ALG10B: variants seen among roughly 807,000 people sequenced by gnomAD.
ALG10B encodes the protein dol-P-Glc:Glc(2)Man(9)GlcNAc(2)-PP-Dol alpha-1,2-glucosyltransferase B.
A neutral mutation model predicts 38.7 loss-of-function variants in ALG10B; 27 were observed. The observed-to-expected ratio is 0.70, with a 90% confidence interval of 0.51 to 0.96. The LOEUF is 0.96. ALG10B is among the 40% of genes least tolerant of loss of function. The pLI, the probability that ALG10B is intolerant of heterozygous loss-of-function variation, is 0.00. For missense variants in ALG10B, 522 were observed against 542.7 expected (o/e 0.96, Z 0.38); for synonymous variants, 177 against 193.3 (o/e 0.92, Z 0.70).
rs1379389987 is a variant in ALG10B at position 38,329,251 on chromosome 12, C to T, written c.*8038C>T. 1.3e-5 allele frequency: 5 copies of T among 397,158 alleles called. No individual in the cohort carries two copies. The highest frequency in any genetic ancestry group is 2.2e-5 in the Non-Finnish European group (5 of 225,906). 24.6% of individuals were successfully genotyped at this position (397,158 alleles called of 1,614,324 possible). ...TGTTTCTGTTTTTGTCATGATACCT[C>T]AAATTGATATATGTTGTAATTATGA... On this transcript the variant is annotated 3_prime_UTR_variant, in exon 3 of 3. Coordinates refer to ENST00000308742, the MANE Select transcript of ALG10B (RefSeq NM_001013620.4).
At position 38,323,663 on chromosome 12, in the gene ALG10B, A is replaced by AT. The variant is rs1945720157; in HGVS notation, c.*2456dup. Reference sequence around the variant, plus strand: ...ATAATTTGAGTAATAAATGCAGGCCATTTTTTGGTTGTACTCTAGTACTCA... The same window carrying AT: ...ATAATTTGAGTAATAAATGCAGGCCATTTTTTTGGTTGTACTCTAGTACTCA... On this transcript the variant is annotated 3_prime_UTR_variant, in exon 3 of 3. Coordinates refer to ENST00000308742, the MANE Select transcript of ALG10B (RefSeq NM_001013620.4). 2.2e-6 allele frequency: 1 copy of AT among 455,858 alleles called. No individual in the cohort carries two copies. Among genetic ancestry groups the AT allele is most frequent in the Admixed American group, 3.7e-5 (1 of 26,670 alleles). 28.2% of individuals were successfully genotyped at this position (455,858 alleles called of 1,614,324 possible).
At chr12:38,318,875 C>G (rs1160821578) in intron 2 of ALG10B, among the ~76,000 whole-genome samples, 9 of 152,174 alleles carry the variant, frequency 5.9e-5, no homozygotes, top group Non-Finnish European at 1.2e-4. Context: ...GGTTAGAATT[C>G]TCTCCCTGCC....
Position 38,324,817 on chromosome 12 carries a change from T to C in ALG10B, c.*3604T>C, listed in dbSNP as rs1203636772. 4 of 152,214 alleles carry C rather than the reference T, an allele frequency of 2.6e-5. No individual in the cohort carries two copies. The highest frequency in any genetic ancestry group is 5.9e-5 in the Non-Finnish European group (4 of 68,020). 9.4% of individuals were successfully genotyped at this position (152,214 alleles called of 1,614,324 possible). A position where few individuals can be genotyped will look rare whatever the true frequency, so the allele number is the denominator to read the frequency against. ...TCAAAAGTTATTGAGTAGATAGATA[T>C]TTTTTCATGAATTTTTAAACATTAG... On this transcript the variant is annotated 3_prime_UTR_variant, in exon 3 of 3. Coordinates refer to ENST00000308742, the MANE Select transcript of ALG10B (RefSeq NM_001013620.4).
chr12:38,321,422 A>G lies in ALG10B; in HGVS notation c.*209A>G, dbSNP rs1350566352. ...GCTTAAGACCTGCTTCAAAAGCCTG[A>G]ATAATGGGAAAATAAAATTGTTTTC... is the stretch of plus-strand genomic sequence containing the variant. On this transcript the variant is annotated 3_prime_UTR_variant, in exon 3 of 3. Coordinates refer to ENST00000308742, the MANE Select transcript of ALG10B (RefSeq NM_001013620.4). The G allele has an allele frequency of 1.2e-5, 5 of 427,452 alleles. No individual in the cohort carries two copies. Among genetic ancestry groups the G allele is most frequent in the African/African-American group, 8.2e-5 (4 of 49,056 alleles). 26.5% of individuals were successfully genotyped at this position (427,452 alleles called of 1,614,324 possible).
upstream of ALG10B, chr12:38,316,689 C>G (rs888155477): frequency 1.3e-6 from 1 of 764,880 alleles, no homozygotes; most frequent in Non-Finnish European, 2.2e-6. Context: ...TCATCCGGTC[C>G]GTTATCTAAA....
chr12:38,323,701 G>C lies in ALG10B; in HGVS notation c.*2488G>C, dbSNP rs187665842. 1.8e-6 allele frequency: 1 copy of C among 555,032 alleles called. No homozygotes were observed. The highest frequency in any genetic ancestry group is 3.2e-6 in the Non-Finnish European group (1 of 312,970). The allele number at this position is 555,032 out of a possible 1,614,324, so 34.4% of individuals were successfully genotyped here. On this transcript the variant is annotated 3_prime_UTR_variant, in exon 3 of 3. Coordinates refer to ENST00000308742, the MANE Select transcript of ALG10B (RefSeq NM_001013620.4). Reference sequence around the variant, plus strand: ...ACTCTAGTACTCAGAAAATAGATCGGCATTAGTTATAACAGTGATTGTAGA... The same window carrying C: ...ACTCTAGTACTCAGAAAATAGATCGCCATTAGTTATAACAGTGATTGTAGA...
At position 38,325,211 on chromosome 12, in the gene ALG10B, T is replaced by C. The variant is rs553007711; in HGVS notation, c.*3998T>C. On this transcript the variant is annotated 3_prime_UTR_variant, in exon 3 of 3. Coordinates refer to ENST00000308742, the MANE Select transcript of ALG10B (RefSeq NM_001013620.4). ...TCAGTTTAAACTTAGCATCTCATTT[T>C]GGCAAGATAAATTATTTTAGCTGTC... 4 of 152,354 alleles carry C rather than the reference T, an allele frequency of 2.6e-5. No individual in the cohort carries two copies. In the East Asian group the frequency reaches 7.7e-4, roughly 29 times the overall value. The allele number at this position is 152,354 out of a possible 1,614,324, so 9.4% of individuals were successfully genotyped here.
Position 38,321,394 on chromosome 12 carries a change from A to G in ALG10B, c.*181A>G. ...AGAAATTAAGTGGCAAAGAACTGGG[A>G]AAGCTTAAGACCTGCTTCAAAAGCC... On this transcript the variant is annotated 3_prime_UTR_variant, in exon 3 of 3. Transcript: ENST00000308742. 5.3e-6 allele frequency: 3 copies of G among 562,956 alleles called. No individual in the cohort carries two copies. The highest frequency in any genetic ancestry group is 8.5e-6 in the Non-Finnish European group (3 of 352,724). 34.9% of individuals were successfully genotyped at this position (562,956 alleles called of 1,614,324 possible).
At chr12:38,318,927 G>T (rs1245078320) in intron 2 of ALG10B, among the ~76,000 whole-genome samples, 1 of 152,118 alleles carries the variant, frequency 6.6e-6, no homozygotes, top group Non-Finnish European at 1.5e-5. Context: ...AACCCTTAGT[G>T]GCTCCATGTC....
Position 38,326,094 on chromosome 12 carries a change from CA to C in ALG10B, c.*4882del, listed in dbSNP as rs1359081587. On this transcript the variant is annotated 3_prime_UTR_variant, in exon 3 of 3. Transcript: ENST00000308742. ...GCTTGTTCAACCCACAGGCCACATG[CA>C]GCCCAGGATGGCTTTGAATGCGGCC... 12 of 152,282 alleles carry C rather than the reference CA, an allele frequency of 7.9e-5. No individual in the cohort carries two copies. The highest frequency in any genetic ancestry group is 2.9e-4 in the African/African-American group (12 of 41,576). The allele number at this position is 152,282 out of a possible 1,614,324, so 9.4% of individuals were successfully genotyped here.
At position 38,327,598 on chromosome 12, in the gene ALG10B, C is replaced by T. The variant is rs2120521833; in HGVS notation, c.*6385C>T. On this transcript the variant is annotated 3_prime_UTR_variant, in exon 3 of 3. Coordinates refer to ENST00000308742, the MANE Select transcript of ALG10B (RefSeq NM_001013620.4). ...AACATAGATTGGTATGACTCCCAAG[C>T]CTGTGAGTTTTTGACCGTCATATTC... 6.6e-6 allele frequency: 1 copy of T among 151,878 alleles called. No homozygotes were observed. Among genetic ancestry groups the T allele is most frequent in the East Asian group, 2.0e-4 (1 of 5,126 alleles). 9.4% of individuals were successfully genotyped at this position (151,878 alleles called of 1,614,324 possible). A position where few individuals can be genotyped will look rare whatever the true frequency, so the allele number is the denominator to read the frequency against.
intron 2 of ALG10B, among the ~76,000 whole-genome samples, chr12:38,319,145 G>C (rs762616224): frequency 2.0e-5 from 3 of 152,184 alleles, no homozygotes; most frequent in Non-Finnish European, 4.4e-5. Context: ...AAGATGCTAT[G>C]AGGACACAGA....
chr12:38,328,528 A>G lies in ALG10B; in HGVS notation c.*7315A>G, dbSNP rs2120525472. 1 of 151,698 alleles carries G rather than the reference A, an allele frequency of 6.6e-6. No homozygotes were observed. Among genetic ancestry groups the G allele is most frequent in the East Asian group, 1.9e-4 (1 of 5,184 alleles). 9.4% of individuals were successfully genotyped at this position (151,698 alleles called of 1,614,324 possible). The stretch of plus-strand genomic sequence containing the variant: ...CCACTAGGTGGAGATATTGTGCTAC[A>G]TTTCCAAGTGTTGTAGTTAAACTTT... On this transcript the variant is annotated 3_prime_UTR_variant, in exon 3 of 3. Coordinates refer to ENST00000308742, the MANE Select transcript of ALG10B (RefSeq NM_001013620.4).
Position 38,329,035 on chromosome 12 carries a change from A to G in ALG10B, c.*7822A>G. 2.5e-6 allele frequency: 1 copy of G among 394,632 alleles called. No individual in the cohort carries two copies. The highest frequency in any genetic ancestry group is 4.5e-6 in the Non-Finnish European group (1 of 223,974). 24.4% of individuals were successfully genotyped at this position (394,632 alleles called of 1,614,324 possible). ...AACCAGGCAGCCTGACTCCAAAATC[A>G]ATATTCTTAACTCTATTGTTATGAT... On this transcript the variant is annotated 3_prime_UTR_variant, in exon 3 of 3. Transcript: ENST00000308742.
intron 1 of ALG10B, 56 bp downstream of exon 1, chr12:38,317,120 C>T: frequency 1.2e-6 from 2 of 1,611,262 alleles, no homozygotes; most frequent in Non-Finnish European, 1.7e-6. Flanking sequence ...CCCAGCGTCC[C>T]CAGCTCCTTC....
Position 38,329,446 on chromosome 12 carries a change from T to C in ALG10B, c.*8233T>C. ...AAAGAGACTCCTGTTTGGAAGCAAA[T>C]TGTTGGTTTAACAGGACATACTTTA... is the stretch of plus-strand genomic sequence containing the variant. On this transcript the variant is annotated 3_prime_UTR_variant, in exon 3 of 3. Coordinates refer to ENST00000308742, the MANE Select transcript of ALG10B (RefSeq NM_001013620.4). The C allele has an allele frequency of 5.3e-6, 2 of 376,922 alleles. No individual in the cohort carries two copies. Among genetic ancestry groups the C allele is most frequent in the East Asian group, 3.8e-5 (1 of 26,396 alleles). The allele number at this position is 376,922 out of a possible 1,614,324, so 23.3% of individuals were successfully genotyped here.
intron 2 of ALG10B, among the ~76,000 whole-genome samples, chr12:38,319,598 A>G (rs1945684057): frequency 6.6e-6 from 1 of 152,196 alleles, no homozygotes; most frequent in Non-Finnish European, 1.5e-5. Context: ...TAAGATATAT[A>G]AGTTTAGACT....
At position 38,328,304 on chromosome 12, in the gene ALG10B, C is replaced by T. The variant is rs1001800313; in HGVS notation, c.*7091C>T. On this transcript the variant is annotated 3_prime_UTR_variant, in exon 3 of 3. Transcript: ENST00000308742. ...AAACTACTATTTGACTCTATTACAC[C>T]CTGTTTTAGAAAAACATTTGAGTTA... The T allele has an allele frequency of 6.6e-6, 1 of 151,910 alleles. No individual in the cohort carries two copies. Among genetic ancestry groups the T allele is most frequent in the African/African-American group, 2.4e-5 (1 of 41,360 alleles). 9.4% of individuals were successfully genotyped at this position (151,910 alleles called of 1,614,324 possible). A position where few individuals can be genotyped will look rare whatever the true frequency, so the allele number is the denominator to read the frequency against.
In ALG10B at chr12:38,322,829, T is replaced by G. The variant is rs1417839678; in HGVS notation, c.*1616T>G. On this transcript the variant is annotated 3_prime_UTR_variant, in exon 3 of 3. Coordinates refer to ENST00000308742, the MANE Select transcript of ALG10B (RefSeq NM_001013620.4). ...CTCTACTTCTGTGAGTTTAATTGTT[T>G]TAGATTACACAAATAAGTGAGATCA... is the stretch of plus-strand genomic sequence containing the variant. 1 of 152,160 alleles carries G rather than the reference T, an allele frequency of 6.6e-6. No homozygotes were observed. The highest frequency in any genetic ancestry group is 6.5e-5 in the Admixed American group (1 of 15,268). 9.4% of individuals were successfully genotyped at this position (152,160 alleles called of 1,614,324 possible).
Sources: allele counts gnomAD v4.1 joint callset (sites outside exome capture counted in the v4.1 genomes callset), GRCh38; gene constraint gnomAD v4.1.1; transcripts MANE v1.5; gene names NCBI Gene and HGNC (gene_info 2026-07-23, HGNC 2026-07-21).